Variants in IPPK observed in about 807,000 individuals in gnomAD.
The protein encoded by IPPK is inositol-pentakisphosphate 2-kinase, also known as IPK1 homolog.
Under a neutral mutation model 64.6 loss-of-function variants are expected in IPPK, and 22 were observed. The observed-to-expected ratio is 0.34, with a 90% CI of 0.24 to 0.49. The LOEUF is 0.49. Among genes scored for constraint, IPPK ranks in the 20% least tolerant of loss-of-function variants. The probability of loss-of-function intolerance (pLI) is 0.99; values close to 1 mark genes in which losing one functional copy is unlikely to be tolerated. For missense variants in IPPK, 532 were observed against 630.7 expected (o/e 0.84, Z 1.68); for synonymous variants, 262 against 247.2 (o/e 1.06, Z -0.56).
intron 4 of IPPK, among the ~76,000 whole-genome samples, chr9:92,650,987 A>C (rs1010641934): frequency 1.3e-5 from 2 of 151,848 alleles, no homozygotes; most frequent in African/African-American, 4.8e-5. Flanking sequence ...TGGTGTGATA[A>C]ACCTCCCACG....
At chr9:92,626,329 G>A (rs576234922) in intron 11 of IPPK, among the ~76,000 whole-genome samples, 4 of 152,218 alleles carry the variant, frequency 2.6e-5, no homozygotes, top group South Asian at 2.1e-4. Context: ...CCCAGGAGGC[G>A]GAGCTTGCAG....
chr9:92,644,128 A>G (rs139283469), intron 6 of IPPK, among the ~76,000 whole-genome samples: 6 of 152,314 alleles, frequency 3.9e-5, no homozygotes, highest in African/African-American at 9.6e-5. Flanking sequence ...GAAATAGTGG[A>G]GCAATGACCT....
At chr9:92,651,467 G>A (rs1210088090) in intron 4 of IPPK, among the ~76,000 whole-genome samples, 1 of 152,236 alleles carries the variant, frequency 6.6e-6, no homozygotes, top group Non-Finnish European at 1.5e-5. Context: ...TGGGGAAGGT[G>A]ATGCCACAGA....
chr9:92,617,340 A>G (rs1851471652), intron 12 of IPPK: 1 of 152,262 alleles, frequency 6.6e-6, no homozygotes, highest in Non-Finnish European at 1.5e-5. Context: ...AATTTCTCAG[A>G]AGCAGCACCT....
At chr9:92,631,193 ATTTTTTTTTTT>A (rs61202690) in intron 11 of IPPK, among the ~76,000 whole-genome samples, 1 of 131,244 alleles carries the variant, frequency 7.6e-6, no homozygotes, top group South Asian at 2.5e-4. Context: ...ACACAGTTCA[ATTTTTTTTTTT>A]TTTTTTTTTG....
At chr9:92,636,544 G>A (rs1267795025) in intron 9 of IPPK, among the ~76,000 whole-genome samples, 1 of 152,166 alleles carries the variant, frequency 6.6e-6, no homozygotes, top group Non-Finnish European at 1.5e-5. Context: ...AGGAGGCTGA[G>A]GCAGGAAGAT....
chr9:92,669,679 C>A (rs1003863290), intron 1 of IPPK, among the ~76,000 whole-genome samples: 1 of 150,188 alleles, frequency 6.7e-6, no homozygotes, highest in Non-Finnish European at 1.5e-5. Flanking sequence ...GGAGAAGGAT[C>A]TGGGGCAATG....
At chr9:92,643,727 G>A (rs551785260) in intron 6 of IPPK, among the ~76,000 whole-genome samples, 17 of 152,330 alleles carry the variant, frequency 1.1e-4, no homozygotes, top group African/African-American at 3.8e-4. Flanking sequence ...CATATGGCAT[G>A]ATCCCATTTT....
At chr9:92,622,607 A>AT in intron 11 of IPPK, among the ~76,000 whole-genome samples, 1 of 150,796 alleles carries the variant, frequency 6.6e-6, no homozygotes, top group Non-Finnish European at 1.5e-5. Flanking sequence ...TTATCAGAAT[A>AT]ATATATATAT....
At chr9:92,616,351 G>A (rs190073487) in intron 12 of IPPK, 8 of 321,568 alleles carry the variant, frequency 2.5e-5, no homozygotes, top group South Asian at 4.4e-5. Flanking sequence ...CATACCAGGC[G>A]AGAGAGGGTT....
chr9:92,630,316 A>C (rs1446710848), intron 11 of IPPK, among the ~76,000 whole-genome samples: 1 of 152,224 alleles, frequency 6.6e-6, no homozygotes, highest in Non-Finnish European at 1.5e-5. Flanking sequence ...TTTATATGCA[A>C]TATTTGGAAG....
At position 92,615,725 on chromosome 9, in the gene IPPK, A is replaced by C; in HGVS notation, c.*107T>G. 1.1e-6 allele frequency: 1 copy of C among 919,090 alleles called. No individual in the cohort carries two copies. Among genetic ancestry groups the C allele is most frequent in the East Asian group, 2.6e-5 (1 of 39,188 alleles). 56.9% of individuals were successfully genotyped at this position (919,090 alleles called of 1,614,324 possible). A position where few individuals can be genotyped will look rare whatever the true frequency, so the allele number is the denominator to read the frequency against. On this transcript the variant is annotated 3_prime_UTR_variant, in exon 13 of 13. Transcript: ENST00000287996. ...AGGCAATCCCACCTCAAAAGGGGTT[A>C]AAAGCAAAAACATTCACAACCAAAG...
chr9:92,637,034 G>C (rs1441561156), intron 9 of IPPK, among the ~76,000 whole-genome samples: 1 of 152,106 alleles, frequency 6.6e-6, no homozygotes, highest in Non-Finnish European at 1.5e-5. Context: ...AAGTTCATTT[G>C]TAGTGAGAAA....
rs1587619203 is a variant in IPPK at position 92,622,598 on chromosome 9, T to C, written c.1171-3033A>G. On this transcript the variant is annotated intron_variant, in intron 11 of 12. Coordinates refer to ENST00000287996, the MANE Select transcript of IPPK (RefSeq NM_022755.6). ...TCTGAAGAGAACCATAAAACATTTT[T>C]ATCAGAATAATATATATATATATAA... Among the ~76,000 whole-genome samples the C allele has an allele frequency of 1.4e-5, 2 of 147,568 alleles. 1 individual carries two copies. Among genetic ancestry groups the C allele is most frequent in the South Asian group, 4.5e-4 (2 of 4,402 alleles).
rs144720294 is a variant in IPPK at position 92,616,005 on chromosome 9, C to T, written c.1303G>A (p.Val435Met). ...TTGAGGTCAAGGTCCAGCACAGACA[C>T]GGAAAAGGCAAACCTGGACCTCGAT... Reference protein sequence around the residue: ...PSSRSRFAFSVSVLDLDLKPY... With the variant: ...PSSRSRFAFSMSVLDLDLKPY... Residue 435 changes from valine to methionine, a missense_variant, in exon 13 of 13, where the codon GTG becomes ATG. By Grantham distance (21) the Val-to-Met change is conservative. Coordinates refer to ENST00000287996, the MANE Select transcript of IPPK (RefSeq NM_022755.6). The T allele has an allele frequency of 3.1e-5, 50 of 1,614,128 alleles. 1 individual carries two copies. In the African/African-American group the frequency reaches 4.4e-4, roughly 14 times the overall value.
intron 8 of IPPK, among the ~76,000 whole-genome samples, chr9:92,638,724 G>A (rs775432591): frequency 9.2e-5 from 14 of 152,248 alleles, no homozygotes; most frequent in Non-Finnish European, 1.8e-4. Context: ...TGTGTCCTGG[G>A]GTTCAGGCCA....
chr9:92,656,420 T>C (rs778197466), intron 3 of IPPK, 36 bp downstream of exon 3: 1 of 1,389,762 alleles, frequency 7.2e-7, no homozygotes, highest in Non-Finnish European at 1.0e-6. Flanking sequence ...ATGCAAAACA[T>C]GCCCAAGAAT....
chr9:92,661,536 T>C (rs2131462822), intron 1 of IPPK, among the ~76,000 whole-genome samples: 1 of 152,166 alleles, frequency 6.6e-6, no homozygotes, highest in East Asian at 1.9e-4. Flanking sequence ...TCACATTTCC[T>C]CCACCACCAC....
intron 4 of IPPK, 115 bp downstream of exon 4, chr9:92,652,458 A>AG (rs1317738034): frequency 3.9e-6 from 2 of 518,578 alleles, no homozygotes; most frequent in Non-Finnish European, 3.3e-6. Flanking sequence ...CAAAAAAAAA[A>AG]AAAAAAAAAG....
Sources: allele counts gnomAD v4.1 joint callset (sites outside exome capture counted in the v4.1 genomes callset), GRCh38; gene constraint gnomAD v4.1.1; transcripts MANE v1.5; gene names NCBI Gene and HGNC (gene_info 2026-07-23, HGNC 2026-07-21).